ATP2B3: variants seen among roughly 807,000 people sequenced by gnomAD.
The protein encoded by ATP2B3 is ATPase plasma membrane Ca2+ transporting 3.
Under a neutral mutation model 70.8 loss-of-function variants are expected in ATP2B3, and 12 were observed. The observed-to-expected ratio is 0.17, with a 90% CI of 0.11 to 0.27. The LOEUF (loss-of-function observed/expected upper bound fraction) is 0.27. Among genes scored for constraint, ATP2B3 ranks in the 10% least tolerant of loss-of-function variants. The pLI, the probability that ATP2B3 is intolerant of heterozygous loss-of-function variation, is 1.00. For missense variants in ATP2B3, 858 were observed against 1,118.5 expected (o/e 0.77, Z 3.32); for synonymous variants, 460 against 497.8 (o/e 0.92, Z 1.01).
intron 20 of ATP2B3, among the ~76,000 whole-genome samples, chrX:153,563,136 C>CGTTT (rs1557016956): frequency 4.1e-5 from 2 of 48,795 alleles, no homozygotes; most frequent in African/African-American, 1.7e-4. Context: ...CTGGCTTTTC[C>CGTTT]TTTTTTTTTT....
rs1210022194 is a variant in ATP2B3 at position 153,541,603 on chromosome X, T to G, written c.406+47T>G. On this transcript the variant is annotated intron_variant, in intron 4 of 21. Transcript: ENST00000263519. The stretch of plus-strand genomic sequence containing the variant: ...TGGAAGGAGGAAGAGGAATGGGGCT[T>G]GAGATGAGGGACGGTCACAGGATGG... 5.8e-6 allele frequency: 7 copies of G among 1,205,751 alleles called. No homozygotes were observed. The African/African-American group carries it at 7.0e-5, about 12-fold the overall frequency.
In ATP2B3 at chrX:153,560,712, C is replaced by T. The variant is rs782653125; in HGVS notation, c.2876C>T (p.Ala959Val). Residue 959 changes from alanine (A) to valine (V), a missense_variant, in exon 19 of 22, where the codon GCG (alanine) becomes GTG (valine). Ala to Val is a moderately conservative substitution (Grantham distance 64, BLOSUM62 0). Around this residue, in one of 5 missense-constraint regions of ATP2B3, gnomAD observed 265 missense variants for 305.3 expected, o/e 0.87. Transcript: ENST00000263519. ...TTCGACATCGACAGCGGGAGGAATG[C>T]GCCCCTGCACTCGCCACCCTCAGAG... is the stretch of plus-strand genomic sequence containing the variant. ...LFFDIDSGRN[A>V]PLHSPPSEHY... 32 of 1,210,216 alleles carry T rather than the reference C, an allele frequency of 2.6e-5. No homozygotes were observed. The highest frequency in any genetic ancestry group is 2.6e-4 in the Admixed American group (12 of 45,861).
chrX:153,519,832 G>T (rs782589003), intron 2 of ATP2B3, among the ~76,000 whole-genome samples: 2 of 112,203 alleles, frequency 1.8e-5, no homozygotes, highest in Non-Finnish European at 3.8e-5. Flanking sequence ...TGGGGCGGGC[G>T]TGGGAGGGGG....
intron 21 of ATP2B3, among the ~76,000 whole-genome samples, chrX:153,576,702 G>A (rs2090861254): frequency 9.0e-6 from 1 of 111,519 alleles, no homozygotes; most frequent in South Asian, 3.8e-4. Context: ...TAGGGGGCGT[G>A]GCGCGTCCTG....
chrX:153,580,115 C>T lies in ATP2B3; in HGVS notation c.3480C>T (p.Asp1160=), dbSNP rs200202600. ...ACACCCACAACATCCCGCTCATTGA[C>T]GACACGGACGTGGACGAGAACGAGG... The part of the protein sequence containing the change: ...NDYTHNIPLI[D]DTDVDENEER... The change falls in exon 22 of 22, where the codon GAC becomes GAT. Residue 1160 remains aspartate (D), a synonymous_variant. Transcript: ENST00000263519. The T allele has an allele frequency of 8.8e-5, 106 of 1,210,772 alleles. No individual in the cohort carries two copies. The highest frequency in any genetic ancestry group is 7.4e-4 in the Admixed American group (34 of 45,917).
chrX:153,550,332 ATTC>A (rs1409977060), intron 12 of ATP2B3, 46 bp downstream of exon 12: 2 of 1,202,490 alleles, frequency 1.7e-6, no homozygotes, highest in African/African-American at 3.5e-5. Context: ...GGAGTTTCTG[ATTC>A]TATTGTCGTG....
At chrX:153,530,483 T>C (rs1185970517) in intron 2 of ATP2B3, among the ~76,000 whole-genome samples, 1 of 112,704 alleles carries the variant, frequency 8.9e-6, no homozygotes, top group Non-Finnish European at 1.9e-5. Flanking sequence ...TCCTGCCACC[T>C]CCAGGGTGTT....
In ATP2B3 at chrX:153,553,142, G is replaced by A. The variant is rs1344012929; in HGVS notation, c.1931G>A (p.Arg644His). ...IIEPMACDGL[R>H]TICIAYRDFS... ...GAGCCGATGGCTTGCGATGGCCTCCGCACCATCTGCATCGCCTACCGGGAC... is the reference window on the plus strand; with the variant it reads ...GAGCCGATGGCTTGCGATGGCCTCCACACCATCTGCATCGCCTACCGGGAC... The change falls in exon 13 of 22, where the codon CGC becomes CAC. Residue 644 changes from arginine (R) to histidine (H), a missense_variant. Arg to His is a conservative substitution (Grantham distance 29). Transcript: ENST00000263519. The A allele has an allele frequency of 2.5e-6, 3 of 1,209,999 alleles. No individual in the cohort carries two copies. Among genetic ancestry groups the A allele is most frequent in the Non-Finnish European group, 2.2e-6 (2 of 895,039 alleles).
chrX:153,529,268 C>T (rs900756001), intron 2 of ATP2B3, among the ~76,000 whole-genome samples: 13 of 112,094 alleles, frequency 1.2e-4, no homozygotes, highest in Non-Finnish European at 1.9e-4. Context: ...ATAGGGTACC[C>T]ACCTGGCTGG....
At chrX:153,540,566 T>G (rs781891518) in intron 3 of ATP2B3, among the ~76,000 whole-genome samples, 1 of 112,275 alleles carries the variant, frequency 8.9e-6, no homozygotes, top group Non-Finnish European at 1.9e-5. Flanking sequence ...CCCTGGAGAC[T>G]GCTGATTCCT....
At chrX:153,570,193 G>C (rs1341180988) in intron 21 of ATP2B3, among the ~76,000 whole-genome samples, 6 of 112,391 alleles carry the variant, frequency 5.3e-5, no homozygotes, top group Non-Finnish European at 9.4e-5. Flanking sequence ...CTGGAGGGGT[G>C]GCGGGTGCCT....
At position 153,581,091 on chromosome X, in the gene ATP2B3, T is replaced by G. The variant is rs999035707; in HGVS notation, c.*793T>G. The G allele has an allele frequency of 9.0e-6, 1 of 111,084 alleles. No homozygotes were observed. Among genetic ancestry groups the G allele is most frequent in the Non-Finnish European group, 1.9e-5 (1 of 52,873 alleles). 9.2% of individuals were successfully genotyped at this position (111,084 alleles called of 1,213,427 possible). The stretch of plus-strand genomic sequence containing the variant: ...TGTAGCAAGGTTGTAGTTGTTTTTT[T>G]TTTTTTTTCAGGGAACTAGACTGCA... On this transcript the variant is annotated 3_prime_UTR_variant, in exon 22 of 22. Transcript: ENST00000263519.
At position 153,581,832 on chromosome X, in the gene ATP2B3, C is replaced by T. The variant is rs1393020165; in HGVS notation, c.*1534C>T. 1 of 112,409 alleles carries T rather than the reference C, an allele frequency of 8.9e-6. No homozygotes were observed. Among genetic ancestry groups the T allele is most frequent in the East Asian group, 2.8e-4 (1 of 3,576 alleles). The allele number at this position is 112,409 out of a possible 1,213,427, so 9.3% of individuals were successfully genotyped here. ...TGGATTTGTGGCTCAGCACCAGGTC[C>T]TGAGGGGAGCGTATCCTGGCAGTGT... On this transcript the variant is annotated 3_prime_UTR_variant, in exon 22 of 22. Coordinates refer to ENST00000263519, the MANE Select transcript of ATP2B3 (RefSeq NM_001001344.3).
At chrX:153,535,994 A>T in intron 2 of ATP2B3, 128 bp from the exon 3 acceptor site, 5 of 422,778 alleles carry the variant, frequency 1.2e-5, no homozygotes, top group Non-Finnish European at 1.7e-5. Context: ...CCAGCCTGGG[A>T]GGTGATTTCT....
chrX:153,579,878 TCCTTCCTTCCTA>T, intron 21 of ATP2B3, 88 bp from the exon 22 acceptor site: 1 of 790,135 alleles, frequency 1.3e-6, no homozygotes, highest in Non-Finnish European at 1.8e-6. Context: ...ACTGTCTCCT[TCCTTCCTTCCTA>T]CCTTCCTTCC....
At position 153,548,622 on chromosome X, in the gene ATP2B3, C is replaced by T; in HGVS notation, c.1124-18C>T. On this transcript the variant is annotated intron_variant, in intron 9 of 21. Transcript: ENST00000263519. ...CACCCGTGGCAACCCCTTTCGTCTC[C>T]TCCCCGCTCTGTGGCAGGGCTGGTG... 21 of 1,201,738 alleles carry T rather than the reference C, an allele frequency of 1.7e-5. No individual in the cohort carries two copies. Among genetic ancestry groups the T allele is most frequent in the Non-Finnish European group, 2.4e-5 (21 of 888,090 alleles).
chrX:153,577,596 T>C (rs1256537065), intron 21 of ATP2B3, among the ~76,000 whole-genome samples: 1 of 112,204 alleles, frequency 8.9e-6, no homozygotes, highest in Non-Finnish European at 1.9e-5. Flanking sequence ...ATTAAAAACG[T>C]CAAATTATTC....
intron 2 of ATP2B3, among the ~76,000 whole-genome samples, chrX:153,521,887 G>A (rs781926976): frequency 8.9e-6 from 1 of 112,268 alleles, no homozygotes; most frequent in Non-Finnish European, 1.9e-5. Context: ...GTCACACAGA[G>A]CTGCTCTACA....
chrX:153,562,028 G>A, intron 19 of ATP2B3, 107 bp from the exon 20 acceptor site: 1 of 686,055 alleles, frequency 1.5e-6, no homozygotes, highest in Non-Finnish European at 2.4e-6. Context: ...AGCAGCCCGT[G>A]CAACTGGGGG....
Sources: gnomAD v4.1 joint callset for allele counts (sites outside exome capture counted in the v4.1 genomes callset) on GRCh38, gnomAD v4.1.1 for gene constraint, gnomAD v4.1.1 regional missense constraint, MANE v1.5 for transcripts, NCBI Gene and HGNC (gene_info 2026-07-23, HGNC 2026-07-21) for gene names.